CLIC5: variants seen among roughly 807,000 people sequenced by gnomAD.
The protein encoded by CLIC5 is CLIC family member 5, also known as chloride intracellular channel protein 5.
CLIC5 carries 20 observed loss-of-function variants against 24.7 expected under a neutral mutation model. The ratio of observed to expected loss-of-function variants is 0.81; its 90% CI spans 0.57 to 1.18. CLIC5 has a LOEUF of 1.18. CLIC5 is among the 50% of genes most tolerant of loss of function. The pLI is 0.00. For synonymous variants in CLIC5, 159 were observed against 135.6 expected (o/e 1.17, Z -1.20); for missense variants, 341 against 326.1 (o/e 1.05, Z -0.35).
At chr6:45,984,817 T>C (rs991770561) in intron 1 of CLIC5, among the ~76,000 whole-genome samples, 1 of 152,222 alleles carries the variant, frequency 6.6e-6, no homozygotes, top group Non-Finnish European at 1.5e-5. Context: ...TTCTTTCTTT[T>C]TAAAGATGAG....
At chr6:46,076,051 C>T (rs1762758098) in intron 1 of CLIC5, among the ~76,000 whole-genome samples, 1 of 152,202 alleles carries the variant, frequency 6.6e-6, no homozygotes, top group African/African-American at 2.4e-5. Context: ...TTCCCTGTTA[C>T]TGTGTCTACC....
chr6:46,126,047 T>G, the CLIC5 span, among the ~76,000 whole-genome samples: 2 of 152,164 alleles, frequency 1.3e-5, no homozygotes, highest in African/African-American at 4.8e-5. Context: ...CCGATTTGCT[T>G]GTTGCTTTTC....
intron 1 of CLIC5, among the ~76,000 whole-genome samples, chr6:45,972,317 C>T (rs1765227975): frequency 6.6e-6 from 1 of 152,212 alleles, no homozygotes; most frequent in South Asian, 2.1e-4. Context: ...CACGAGTTCT[C>T]TGTGAGGATC....
chr6:45,927,136 G>GT (rs1386933719), intron 4 of CLIC5, among the ~76,000 whole-genome samples: 1 of 151,686 alleles, frequency 6.6e-6, no homozygotes, highest in African/African-American at 2.4e-5. Context: ...CATAGACAAG[G>GT]TAGAGGTGTG....
intron 1 of CLIC5, among the ~76,000 whole-genome samples, chr6:46,025,404 C>A (rs915582996): frequency 6.6e-6 from 1 of 152,172 alleles, no homozygotes; most frequent in African/African-American, 2.4e-5. Flanking sequence ...ATTGTTACCT[C>A]ATTTTGCAGA....
intron 3 of CLIC5, among the ~76,000 whole-genome samples, chr6:45,947,516 C>A (rs2127377273): frequency 6.6e-6 from 1 of 152,270 alleles, no homozygotes; most frequent in Non-Finnish European, 1.5e-5. Context: ...AAATGGGCCC[C>A]TCTGCTCCTC....
chr6:46,064,127 A>C (rs1440321979), intron 1 of CLIC5, among the ~76,000 whole-genome samples: 1 of 152,206 alleles, frequency 6.6e-6, no homozygotes, highest in Non-Finnish European at 1.5e-5. Context: ...ATAAACATAC[A>C]TCTTATGTTT....
chr6:46,011,917 C>T (rs1250701256), intron 1 of CLIC5, among the ~76,000 whole-genome samples: 1 of 152,176 alleles, frequency 6.6e-6, no homozygotes, highest in African/African-American at 2.4e-5. Context: ...TTCCCCAAGG[C>T]AAATCAGGGA....
At chr6:46,080,762 C>A (rs9381424), upstream of CLIC5, among the ~76,000 whole-genome samples, 10 of 152,154 alleles carry the variant, frequency 6.6e-5, no homozygotes, top group East Asian at 1.9e-3. Context: ...CTATTGATAC[C>A]CTGTGATAAA....
At chr6:45,982,591 A>G (rs1041310460) in intron 1 of CLIC5, among the ~76,000 whole-genome samples, 1 of 152,150 alleles carries the variant, frequency 6.6e-6, no homozygotes, top group African/African-American at 2.4e-5. Context: ...ACTGTAACAC[A>G]AGGGTAAGTG....
At chr6:45,885,511 A>G (rs550408879) in intron 6 of CLIC5, among the ~76,000 whole-genome samples, 6 of 152,342 alleles carry the variant, frequency 3.9e-5, no homozygotes, top group African/African-American at 1.2e-4. Flanking sequence ...TTTAAAAAAT[A>G]GGTCAAATTG....
intron 1 of CLIC5, among the ~76,000 whole-genome samples, chr6:46,004,911 A>G (rs1766495818): frequency 6.6e-6 from 1 of 152,172 alleles, no homozygotes; most frequent in South Asian, 2.1e-4. Flanking sequence ...GCAAATTCTA[A>G]AGACACTGCT....
At chr6:45,896,945 AC>A (rs1340607193), downstream of CLIC5, among the ~76,000 whole-genome samples, 1 of 152,126 alleles carries the variant, frequency 6.6e-6, no homozygotes, top group Admixed American at 6.5e-5. Context: ...TGGCTAATAT[AC>A]CACTTAGAAT....
chr6:45,929,273 C>T (rs1017292874), intron 4 of CLIC5, among the ~76,000 whole-genome samples: 1 of 152,198 alleles, frequency 6.6e-6, no homozygotes, highest in African/African-American at 2.4e-5. Context: ...CAAAGACCCT[C>T]TGGAGGAATC....
intron 5 of CLIC5, among the ~76,000 whole-genome samples, chr6:45,908,599 G>T (rs1762726038): frequency 6.6e-6 from 1 of 151,926 alleles, no homozygotes; most frequent in Non-Finnish European, 1.5e-5. Flanking sequence ...TCTTCTTGGT[G>T]TTGATTTCTA....
At position 45,992,457 on chromosome 6, in the gene CLIC5, C is replaced by G. The variant is rs115405565; in HGVS notation, c.63+23023G>C. Among the ~76,000 whole-genome samples, 613 of 152,272 alleles carry G rather than the reference C, an allele frequency of 4.0e-3. 4 individuals are homozygous for G. The highest frequency in any genetic ancestry group is 0.014 in the African/African-American group (585 of 41,550). On this transcript the variant is annotated intron_variant, in intron 1 of 5. Transcript: ENST00000339561. ...TTAATGGGGATCCTGAAAGTGAAAA[C>G]AAATCCTTCACGGAGAGATTCTTTA...
chr6:45,914,123 G>A (rs1581726075), intron 5 of CLIC5, 105 bp downstream of exon 5: 14 of 928,336 alleles, frequency 1.5e-5, no homozygotes, highest in Admixed American at 1.5e-4. Context: ...TCAGGGTCCA[G>A]GTTCTTGACC....
intron 1 of CLIC5, among the ~76,000 whole-genome samples, chr6:45,959,295 T>G (rs1764770998): frequency 6.6e-6 from 1 of 152,238 alleles, no homozygotes; most frequent in African/African-American, 2.4e-5. Context: ...TACCGTGTTG[T>G]AAGTTAAAGC....
At position 45,908,410 on chromosome 6, in the gene CLIC5, G is replaced by A. The variant is rs999246203; in HGVS notation, c.589-5155C>T. Among the ~76,000 whole-genome samples the A allele has an allele frequency of 7.9e-5, 12 of 152,172 alleles. No homozygotes were observed. The East Asian group carries it at 1.4e-3, about 17-fold the overall frequency. Reference sequence around the variant, plus strand: ...TCTAACTTTTTGAGGTAGGCATTTCGTGCTATAAACTTTCCTTGTAATATT... The same window carrying A: ...TCTAACTTTTTGAGGTAGGCATTTCATGCTATAAACTTTCCTTGTAATATT... On this transcript the variant is annotated intron_variant, in intron 5 of 5. Transcript: ENST00000339561.
Sources: allele counts gnomAD v4.1 joint callset (sites outside exome capture counted in the v4.1 genomes callset), GRCh38; gene constraint gnomAD v4.1.1; transcripts MANE v1.5; gene names NCBI Gene and HGNC (gene_info 2026-07-23, HGNC 2026-07-21).